Variants in CDC37L1 observed in about 807,000 individuals in gnomAD.
CDC37L1 encodes cell division cycle 37 like 1, HSP90 cochaperone, also known as hsp90 co-chaperone Cdc37-like 1.
CDC37L1 carries 32 observed loss-of-function variants against 45.9 expected under a neutral mutation model. The ratio of observed to expected loss-of-function variants is 0.70; its 90% CI spans 0.53 to 0.94. The LOEUF (loss-of-function observed/expected upper bound fraction) is 0.94, where lower values mean the gene tolerates loss of function less well. Among genes scored for constraint, CDC37L1 ranks in the 40% least tolerant of loss-of-function variants. The probability of loss-of-function intolerance (pLI) is 0.00; values close to 1 mark genes in which losing one functional copy is unlikely to be tolerated. For missense variants in CDC37L1, 434 were observed against 405.7 expected, an observed-to-expected ratio of 1.07 and a Z score of -0.60; for synonymous variants, 150 against 133.0, an observed-to-expected ratio of 1.13 and a Z score of -0.88.
At chr9:4,703,379 A>G (rs1336551491) in intron 6 of CDC37L1, among the ~76,000 whole-genome samples, 1 of 151,838 alleles carries the variant, frequency 6.6e-6, no homozygotes, top group East Asian at 1.9e-4. Flanking sequence ...AAAAGTCTCA[A>G]GGATGGAAAT....
intron 1 of CDC37L1, among the ~76,000 whole-genome samples, chr9:4,682,329 A>ATTTTTTTTTTTTTTTTTTTTTTTTTTT (rs1313029477): frequency 8.6e-5 from 8 of 92,838 alleles, no homozygotes; most frequent in African/African-American, 4.8e-4. Context: ...TGCCCAGCTA[A>ATTTTTTTTTTTTTTTTTTTTTTTTTTT]TTTTTTTTTT....
rs1203155612 is a variant in CDC37L1, at chr9:4,693,929, C to T, written c.509-3167C>T. Among the ~76,000 whole-genome samples the T allele has an allele frequency of 1.3e-5, 2 of 152,104 alleles. 1 individual carries two copies. The highest frequency in any genetic ancestry group is 1.3e-4 in the Admixed American group (2 of 15,268). ...AACTGCAGTAGTAAAATGGTGAAGC[C>T]AGTATTTGAACCTGGGCCATTTAGC... On this transcript the variant is annotated intron_variant, in intron 3 of 6. Transcript: ENST00000381854.
At chr9:4,688,890 C>G (rs1841275512) in intron 3 of CDC37L1, among the ~76,000 whole-genome samples, 1 of 151,914 alleles carries the variant, frequency 6.6e-6, no homozygotes, top group Admixed American at 6.6e-5. Flanking sequence ...TTTCCATTTC[C>G]TAAGTAGTCT....
chr9:4,684,338 C>T (rs932910851), intron 1 of CDC37L1, among the ~76,000 whole-genome samples: 4 of 152,072 alleles, frequency 2.6e-5, no homozygotes, highest in Admixed American at 1.3e-4. Flanking sequence ...TAAAGGATAT[C>T]TGTCTGATAT....
At chr9:4,689,333 T>C (rs1841280129) in intron 3 of CDC37L1, among the ~76,000 whole-genome samples, 1 of 152,134 alleles carries the variant, frequency 6.6e-6, no homozygotes, top group Non-Finnish European at 1.5e-5. Flanking sequence ...CTTTTTTTTT[T>C]TTTAATTCCA....
intron 1 of CDC37L1, among the ~76,000 whole-genome samples, chr9:4,680,941 G>C (rs529619130): frequency 6.6e-6 from 1 of 152,312 alleles, no homozygotes; most frequent in African/African-American, 2.4e-5. Flanking sequence ...TTCACACAGA[G>C]AAAAATGCTG....
At chr9:4,702,586 G>A (rs553150041) in intron 6 of CDC37L1, among the ~76,000 whole-genome samples, 386 of 152,194 alleles carry the variant, frequency 2.5e-3, no homozygotes, top group Non-Finnish European at 3.1e-3. Context: ...GTTTGATCAA[G>A]ATAAAACCAT....
intron 5 of CDC37L1, among the ~76,000 whole-genome samples, chr9:4,699,342 CT>C (rs1489218069): frequency 1.3e-5 from 2 of 152,172 alleles, no homozygotes; most frequent in Non-Finnish European, 2.9e-5. Flanking sequence ...GAGATCTTCA[CT>C]GGTAAGTATA....
intron 2 of CDC37L1, among the ~76,000 whole-genome samples, chr9:4,686,560 G>A (rs940058825): frequency 6.6e-5 from 10 of 152,250 alleles, no homozygotes; most frequent in Admixed American, 5.2e-4. Context: ...TAAAGTTAAT[G>A]TCTCTTCTTT....
chr9:4,699,532 T>C (rs1014965505), intron 5 of CDC37L1, among the ~76,000 whole-genome samples: 1 of 152,208 alleles, frequency 6.6e-6, no homozygotes, highest in Non-Finnish European at 1.5e-5. Context: ...AGATAGATGC[T>C]AAATGGATAT....
intron 2 of CDC37L1, among the ~76,000 whole-genome samples, chr9:4,687,039 A>G (rs1841253531): frequency 6.6e-6 from 1 of 152,224 alleles, no homozygotes; most frequent in South Asian, 2.1e-4. Context: ...TTTAAATTAC[A>G]TTTGTGACTT....
chr9:4,697,735 A>G (rs1841361322), intron 4 of CDC37L1, 22 bp from the exon 5 acceptor site: 2 of 1,192,672 alleles, frequency 1.7e-6, no homozygotes, highest in Non-Finnish European at 2.4e-6. Context: ...TTTGTTTCTT[A>G]TATCATTTAA....
intron 2 of CDC37L1, among the ~76,000 whole-genome samples, chr9:4,687,407 A>G (rs1841256928): frequency 6.6e-6 from 1 of 152,196 alleles, no homozygotes; most frequent in African/African-American, 2.4e-5. Context: ...GGCCAGGCAC[A>G]GTGGCTCATG....
chr9:4,688,266 G>C (rs1464486939), intron 2 of CDC37L1, among the ~76,000 whole-genome samples: 3 of 152,152 alleles, frequency 2.0e-5, no homozygotes, highest in Non-Finnish European at 4.4e-5. Flanking sequence ...CCAAAGTGCT[G>C]GGATTACAGG....
Position 4,685,560 on chromosome 9 carries a change from A to G in CDC37L1, c.414+402A>G, listed in dbSNP as rs78131384. The G allele has an allele frequency of 8.5e-4, 135 of 159,028 alleles. 1 individual carries two copies. In the Middle Eastern group the frequency reaches 0.01, roughly 12 times the overall value. 9.9% of individuals were successfully genotyped at this position (159,028 alleles called of 1,614,324 possible). A position where few individuals can be genotyped will look rare whatever the true frequency, so the allele number is the denominator to read the frequency against. ...TTAATGCAACTACCTTCTTTTTATA[A>G]ATGAAGAAACTAAGTGGAAAAATAA... is the stretch of plus-strand genomic sequence containing the variant. On this transcript the variant is annotated intron_variant, in intron 2 of 6. Coordinates refer to ENST00000381854, the MANE Select transcript of CDC37L1 (RefSeq NM_017913.4).
chr9:4,703,057 A>C lies in CDC37L1; in HGVS notation c.912+1029A>C, dbSNP rs951262282. 3.2e-6 allele frequency: 5 copies of C among 1,539,078 alleles called. No individual in the cohort carries two copies. The African/African-American group carries it at 5.5e-5, about 17-fold the overall frequency. ...CATTTGATTTTACTAGTAGCACTTT[A>C]ATAGAGCCCAGTCATCTCTCATTTC... On this transcript the variant is annotated intron_variant, in intron 6 of 6. Coordinates refer to ENST00000381854, the MANE Select transcript of CDC37L1 (RefSeq NM_017913.4).
rs575287103 is a variant in CDC37L1, at chr9:4,679,683, G to C, written c.-85G>C. The C allele has an allele frequency of 3.0e-6, 4 of 1,329,154 alleles. No homozygotes were observed. In the African/African-American group the frequency reaches 4.4e-5, roughly 15 times the overall value. 82.3% of individuals were successfully genotyped at this position (1,329,154 alleles called of 1,614,324 possible). The stretch of plus-strand genomic sequence containing the variant: ...GACCCCCGGCTGGGCTTCTGGCTCG[G>C]CGCAGCAGGTTCCATTCACGCCAAG... On this transcript the variant is annotated 5_prime_UTR_variant, in exon 1 of 7. Transcript: ENST00000381854.
At chr9:4,699,104 A>C (rs902319254) in intron 5 of CDC37L1, among the ~76,000 whole-genome samples, 1 of 152,212 alleles carries the variant, frequency 6.6e-6, no homozygotes, top group African/African-American at 2.4e-5. Flanking sequence ...ATAATTTTGA[A>C]GACTGTAAAG....
chr9:4,706,008 C>G lies in CDC37L1; in HGVS notation c.913-3C>G, dbSNP rs1271746638. On this transcript the variant is annotated splice_region_variant and splice_polypyrimidine_tract_variant and intron_variant, in intron 6 of 6. Coordinates refer to ENST00000381854, the MANE Select transcript of CDC37L1 (RefSeq NM_017913.4). ...CCCCAATCTACCTTTTCTTTTTCCCCAGAATCCAGATTATCTTCAGTATTC... is the reference window on the plus strand; with the variant it reads ...CCCCAATCTACCTTTTCTTTTTCCCGAGAATCCAGATTATCTTCAGTATTC... 6.7e-7 allele frequency: 1 copy of G among 1,483,880 alleles called. No homozygotes were observed. Among genetic ancestry groups the G allele is most frequent in the Non-Finnish European group, 9.4e-7 (1 of 1,064,582 alleles). The allele number at this position is 1,483,880 out of a possible 1,614,324, so 91.9% of individuals were successfully genotyped here. A position where few individuals can be genotyped will look rare whatever the true frequency, so the allele number is the denominator to read the frequency against.
Sources: allele counts gnomAD v4.1 joint callset (sites outside exome capture counted in the v4.1 genomes callset), GRCh38; gene constraint gnomAD v4.1.1; transcripts MANE v1.5; gene names NCBI Gene and HGNC (gene_info 2026-07-23, HGNC 2026-07-21).